SYN3: variants seen among roughly 807,000 people sequenced by gnomAD.
SYN3 encodes synapsin-3.
Under a neutral mutation model 65.8 loss-of-function variants are expected in SYN3, and 35 were observed. The ratio of observed to expected loss-of-function variants is 0.53; its 90% CI spans 0.41 to 0.70. The LOEUF (loss-of-function observed/expected upper bound fraction) is 0.70. Among genes scored for constraint, SYN3 ranks in the 30% least tolerant of loss-of-function variants. The probability of loss-of-function intolerance (pLI) is 0.00; values close to 1 mark genes in which losing one functional copy is unlikely to be tolerated. For synonymous variants in SYN3, 270 were observed against 292.9 expected (o/e 0.92, Z 0.80); for missense variants, 680 against 749.0 (o/e 0.91, Z 1.08).
chr22:32,746,433 G>A (rs547194475), intron 6 of SYN3, among the ~76,000 whole-genome samples: 1 of 152,156 alleles, frequency 6.6e-6, no homozygotes, highest in South Asian at 2.1e-4. Flanking sequence ...AATGACAGCT[G>A]GACTAAATAA....
intron 4 of SYN3, among the ~76,000 whole-genome samples, chr22:32,869,612 GGCA>G (rs2048792979): frequency 6.6e-6 from 1 of 151,680 alleles, no homozygotes; most frequent in Non-Finnish European, 1.5e-5. Context: ...GCTGCAGAGA[GGCA>G]GCAGGGCCAG....
intron 12 of SYN3, among the ~76,000 whole-genome samples, chr22:32,519,051 G>A (rs1185709676): frequency 6.6e-6 from 1 of 152,132 alleles, no homozygotes; most frequent in African/African-American, 2.4e-5. Flanking sequence ...TGCAGGCCAA[G>A]GAGAGAAGCT....
chr22:32,960,500 C>A (rs1387358911), intron 3 of SYN3, among the ~76,000 whole-genome samples: 1 of 152,212 alleles, frequency 6.6e-6, no homozygotes, highest in Non-Finnish European at 1.5e-5. Flanking sequence ...CTGTGCCCCC[C>A]GCCTGCATGT....
chr22:32,980,732 G>C, intron 2 of SYN3, 30 bp from the exon 3 acceptor site: 1 of 1,606,870 alleles, frequency 6.2e-7, no homozygotes, highest in Non-Finnish European at 8.5e-7. Flanking sequence ...AGCTGAGTAA[G>C]GATGCAGGCT....
chr22:33,012,555 G>A (rs1312801081), intron 1 of SYN3, among the ~76,000 whole-genome samples: 2 of 152,230 alleles, frequency 1.3e-5, no homozygotes, highest in Non-Finnish European at 2.9e-5. Context: ...ACACTCCCAT[G>A]GTGACTTGCA....
At chr22:32,581,763 T>C (rs1219669370) in intron 7 of SYN3, among the ~76,000 whole-genome samples, 5 of 111,078 alleles carry the variant, frequency 4.5e-5, no homozygotes. Flanking sequence ...TTTTTCTTTT[T>C]CTTTTTCTTT....
At chr22:32,974,484 C>T (rs2052122044) in intron 3 of SYN3, among the ~76,000 whole-genome samples, 1 of 152,216 alleles carries the variant, frequency 6.6e-6, no homozygotes, top group African/African-American at 2.4e-5. Context: ...GACCTTTCTT[C>T]CTCCGGACTA....
At chr22:32,644,954 A>C (rs2059962701) in intron 6 of SYN3, among the ~76,000 whole-genome samples, 1 of 152,096 alleles carries the variant, frequency 6.6e-6, no homozygotes, top group Admixed American at 6.5e-5. Context: ...GCCTCAGCTC[A>C]GTTCTTAGAA....
chr22:32,670,048 C>T (rs1181134295), intron 6 of SYN3, among the ~76,000 whole-genome samples: 12 of 152,162 alleles, frequency 7.9e-5, no homozygotes, highest in African/African-American at 2.7e-4. Context: ...TACTTCTGGA[C>T]TTCACTGCAT....
chr22:33,043,412 G>C (rs1201129464), intron 1 of SYN3, among the ~76,000 whole-genome samples: 1 of 152,162 alleles, frequency 6.6e-6, no homozygotes, highest in Non-Finnish European at 1.5e-5. Context: ...GCTGGGTGCG[G>C]TCACGGGCAC....
intron 6 of SYN3, 27 bp downstream of exon 6, chr22:32,864,888 A>G (rs1388061215): frequency 6.3e-7 from 1 of 1,593,362 alleles, no homozygotes; most frequent in Non-Finnish European, 8.6e-7. Flanking sequence ...CATCATGCAA[A>G]GAAACAGAGT....
intron 1 of SYN3, among the ~76,000 whole-genome samples, chr22:33,009,284 T>C (rs2053287154): frequency 6.6e-6 from 1 of 152,150 alleles, no homozygotes; most frequent in South Asian, 2.1e-4. Context: ...TCACATTTGG[T>C]TGTCGTCGTT....
At chr22:32,774,697 T>C (rs130531) in intron 6 of SYN3, among the ~76,000 whole-genome samples, 130,668 of 152,144 alleles carry the variant, frequency 0.86, 56,174 homozygotes, top group East Asian at 0.93. Flanking sequence ...GGGGTTCAAG[T>C]GATTCTCCCG....
intron 6 of SYN3, among the ~76,000 whole-genome samples, chr22:32,808,532 A>G (rs2046826993): frequency 6.6e-6 from 1 of 152,178 alleles, no homozygotes; most frequent in Non-Finnish European, 1.5e-5. Context: ...CTCTTAGGAT[A>G]AAGTATCATC....
Position 32,529,093 on chromosome 22 carries a change from G to A in SYN3, c.1096-85C>T. On this transcript the variant is annotated intron_variant, in intron 10 of 13. Coordinates refer to ENST00000358763, the MANE Select transcript of SYN3 (RefSeq NM_003490.4). ...TCACATCCCAGAAGTGGGGGCTCAG[G>A]GCTCAGGACAGAAGTGACCACCAGA... 1.2e-5 allele frequency: 19 copies of A among 1,566,566 alleles called. No individual in the cohort carries two copies. The South Asian group carries it at 2.0e-4, about 17-fold the overall frequency.
intron 6 of SYN3, among the ~76,000 whole-genome samples, chr22:32,691,734 A>G (rs1601922306): frequency 6.6e-6 from 1 of 151,820 alleles, no homozygotes; most frequent in East Asian, 2.0e-4. Flanking sequence ...GGTGGCGGGG[A>G]GAGAAAAAGC....
intron 7 of SYN3, among the ~76,000 whole-genome samples, chr22:32,564,030 A>G (rs1019772161): frequency 2.0e-5 from 3 of 152,136 alleles, no homozygotes; most frequent in African/African-American, 7.2e-5. Context: ...ACCCTAGCAA[A>G]TGGATGGGAG....
chr22:32,531,905 CTTT>C (rs5845007), intron 10 of SYN3, among the ~76,000 whole-genome samples: 2 of 115,472 alleles, frequency 1.7e-5, no homozygotes, highest in Non-Finnish European at 3.4e-5. Context: ...ACTACTTTTA[CTTT>C]TTTTTTTTTT....
At chr22:32,675,216 A>G (rs930650891) in intron 6 of SYN3, among the ~76,000 whole-genome samples, 1 of 152,248 alleles carries the variant, frequency 6.6e-6, no homozygotes, top group Admixed American at 6.5e-5. Context: ...CTGGCTGGAC[A>G]GTCAGCAGGA....
Sources: gnomAD v4.1 joint callset for allele counts (sites outside exome capture counted in the v4.1 genomes callset) on GRCh38, gnomAD v4.1.1 for gene constraint, MANE v1.5 for transcripts, NCBI Gene and HGNC (gene_info 2026-07-23, HGNC 2026-07-21) for gene names.